PJA2: variants seen among roughly 807,000 people sequenced by gnomAD.
PJA2 encodes E3 ubiquitin-protein ligase Praja-2.
Under a neutral mutation model 69.3 loss-of-function variants are expected in PJA2, and 25 were observed. The observed-to-expected ratio is 0.36, with a 90% CI of 0.26 to 0.50. The LOEUF (loss-of-function observed/expected upper bound fraction) is 0.50, where lower values mean the gene tolerates loss of function less well. PJA2 is among the 20% of genes least tolerant of loss of function. The pLI is 0.96. For synonymous variants in PJA2, 308 were observed against 277.8 expected, an observed-to-expected ratio of 1.11 and a Z score of -1.08; for missense variants, 809 against 830.2, an observed-to-expected ratio of 0.97 and a Z score of 0.31.
rs182869869 is a variant in PJA2, at chr5:109,383,173, G to A, written c.31+230C>T. ...CTACCAAAAGAATAGTCTCCGAAGT[G>A]GAAAGCATAAAGCTTTCCAAGCTAA... is the stretch of plus-strand genomic sequence containing the variant. On this transcript the variant is annotated intron_variant, in intron 2 of 9. Coordinates refer to ENST00000361189, the MANE Select transcript of PJA2 (RefSeq NM_014819.5). Among the ~76,000 whole-genome samples the A allele has an allele frequency of 1.4e-3, 211 of 152,262 alleles. 1 individual carries two copies. Among genetic ancestry groups the A allele is most frequent in the African/African-American group, 4.7e-3 (196 of 41,556 alleles).
intron 1 of PJA2, among the ~76,000 whole-genome samples, chr5:109,390,051 T>C (rs74865248): frequency 0.03 from 4,595 of 152,092 alleles, 91 homozygotes; most frequent in Middle Eastern, 0.048. Flanking sequence ...TTAAAAATAA[T>C]GTAAAGCCTT....
chr5:109,379,993 T>G (rs937207201), intron 3 of PJA2, among the ~76,000 whole-genome samples: 1 of 151,990 alleles, frequency 6.6e-6, no homozygotes, highest in African/African-American at 2.4e-5. Flanking sequence ...CATTTGAGAT[T>G]TGCTGGAATA....
At chr5:109,388,449 C>T (rs3853632) in intron 1 of PJA2, among the ~76,000 whole-genome samples, 4,614 of 152,304 alleles carry the variant, frequency 0.03, 91 homozygotes, top group Middle Eastern at 0.048. Flanking sequence ...TGATAAATGT[C>T]TGAGTTGCTA....
chr5:109,340,647 CCCCTCCCCCTCCCCCTCCCCCT>C (rs1762031149), intron 9 of PJA2, among the ~76,000 whole-genome samples: 7 of 992 alleles, frequency 7.1e-3, no homozygotes, highest in Non-Finnish European at 0.017. Context: ...CCTCCCCCTC[CCCCTCCCCCTCCCCCTCCCCCT>C]CCCTCTCCCC....
intron 7 of PJA2, 86 bp downstream of exon 7, chr5:109,355,829 C>T: frequency 2.2e-6 from 2 of 893,766 alleles, no homozygotes; most frequent in Non-Finnish European, 3.5e-6. Context: ...TTCACCTTTT[C>T]TTAAGAGTAG....
At position 109,378,630 on chromosome 5, in the gene PJA2, G is replaced by C. The variant is rs557988241; in HGVS notation, c.857C>G (p.Ala286Gly). 10 of 1,613,996 alleles carry C rather than the reference G, an allele frequency of 6.2e-6. No individual in the cohort carries two copies. Among genetic ancestry groups the C allele is most frequent in the Non-Finnish European group, 8.5e-6 (10 of 1,180,006 alleles). Residue 286 changes from alanine to glycine, a missense_variant, in exon 4 of 10, where the codon GCA becomes GGA. By Grantham distance (60) the Ala-to-Gly change is moderately conservative. Around this residue, in one of 4 missense-constraint regions of PJA2, gnomAD observed 700 missense variants for 639.5 expected, o/e 1.09. Transcript: ENST00000361189. Reference sequence around the variant, plus strand: ...ACAAATATGCCCTGGACCACAGGCTGCATCTTCAGGTGAATGTTCTGTCTG... The same window carrying C: ...ACAAATATGCCCTGGACCACAGGCTCCATCTTCAGGTGAATGTTCTGTCTG... The part of the protein sequence containing the change: ...ERQTEHSPED[A>G]ACGPGHICSE...
At chr5:109,365,230 G>A (rs1285885655) in intron 5 of PJA2, among the ~76,000 whole-genome samples, 1 of 152,192 alleles carries the variant, frequency 6.6e-6, no homozygotes, top group East Asian at 1.9e-4. Flanking sequence ...GTATACTCAT[G>A]TAGTAGTATA....
chr5:109,338,549 A>C (rs1761985559), intron 9 of PJA2, among the ~76,000 whole-genome samples: 2 of 148,856 alleles, frequency 1.3e-5, no homozygotes, highest in Non-Finnish European at 3.0e-5. Context: ...CTGAGGCAGA[A>C]TTGCTTGAAC....
At chr5:109,363,052 A>G in intron 5 of PJA2, 30 bp from the exon 6 acceptor site, 1 of 1,529,254 alleles carries the variant, frequency 6.5e-7, no homozygotes, top group Non-Finnish European at 8.9e-7. Flanking sequence ...GGAAGAAAAA[A>G]ATATTATTTT....
rs542245820 is a variant in PJA2, at chr5:109,406,379, T to G, written c.-88+3463A>C. On this transcript the variant is annotated intron_variant, in intron 1 of 9. Transcript: ENST00000361189. Reference sequence around the variant, plus strand: ...TGTTTGTTTTTTAATGAGCAAAAAATGTCAACAGATACTTCACAAAGGAAG... The same window carrying G: ...TGTTTGTTTTTTAATGAGCAAAAAAGGTCAACAGATACTTCACAAAGGAAG... Among the ~76,000 whole-genome samples, 9 of 152,230 alleles carry G rather than the reference T, an allele frequency of 5.9e-5. No homozygotes were observed. The South Asian group carries it at 1.2e-3, about 21-fold the overall frequency.
Position 109,337,310 on chromosome 5 carries a change from A to G in PJA2, c.2048T>C (p.Ile683Thr). The change falls in exon 10 of 10, where the codon ATT becomes ACT. Residue 683 changes from isoleucine to threonine, a missense_variant. By Grantham distance (89) the Ile-to-Thr change is moderately conservative (BLOSUM62 -1). This residue lies in a region of PJA2 where 35 missense variants were observed against 37.0 expected (regional missense o/e 0.94). Transcript: ENST00000361189. Reference protein sequence around the residue: ...VCRRHFPPAVIEASAAPSSEP... With the variant: ...VCRRHFPPAVTEASAAPSSEP... ...AGAGGAAGGAGCTGCAGATGCTTCA[A>G]TAACCGCAGGTGGGAAATGACGGCG... 6.2e-7 allele frequency: 1 copy of G among 1,613,630 alleles called. No individual in the cohort carries two copies. The highest frequency in any genetic ancestry group is 8.5e-7 in the Non-Finnish European group (1 of 1,179,798).
chr5:109,393,182 T>G (rs551351197), intron 1 of PJA2, among the ~76,000 whole-genome samples: 1 of 152,294 alleles, frequency 6.6e-6, no homozygotes, highest in South Asian at 2.1e-4. Flanking sequence ...TGTGATAACC[T>G]GCTGAGACGC....
intron 4 of PJA2, among the ~76,000 whole-genome samples, chr5:109,374,908 A>G (rs932523650): frequency 2.0e-5 from 3 of 152,148 alleles, no homozygotes; most frequent in African/African-American, 4.8e-5. Context: ...TTCTCAGGGT[A>G]TATTTCAAAA....
chr5:109,351,128 A>C (rs548230290), intron 7 of PJA2, among the ~76,000 whole-genome samples: 255 of 152,074 alleles, frequency 1.7e-3, no homozygotes, highest in African/African-American at 5.9e-3. Context: ...AAAAAAAAAA[A>C]AAAACGGAAG....
At position 109,340,664 on chromosome 5, in the gene PJA2, C is replaced by CT. The variant is rs1561338818; in HGVS notation, c.2002-3309_2002-3308insA. Among the ~76,000 whole-genome samples the CT allele has an allele frequency of 7.9e-4, 11 of 13,954 alleles. 2 individuals carry two copies. Among genetic ancestry groups the CT allele is most frequent in the African/African-American group, 2.2e-3 (8 of 3,570 alleles). The allele number at this position is 13,954 out of a possible 152,430, so 9.2% of individuals were successfully genotyped here. A position where few individuals can be genotyped will look rare whatever the true frequency, so the allele number is the denominator to read the frequency against. ...TCCCCCTCCCCCTCCCCCTCCCCCTCCCCCTCCCTCTCCCCACGGTCTCCC... is the reference window on the plus strand; with the variant it reads ...TCCCCCTCCCCCTCCCCCTCCCCCTCTCCCCTCCCTCTCCCCACGGTCTCCC... On this transcript the variant is annotated intron_variant, in intron 9 of 9. Coordinates refer to ENST00000361189, the MANE Select transcript of PJA2 (RefSeq NM_014819.5).
At chr5:109,398,932 G>A (rs951437689) in intron 1 of PJA2, among the ~76,000 whole-genome samples, 2 of 152,066 alleles carry the variant, frequency 1.3e-5, no homozygotes, top group African/African-American at 4.8e-5. Flanking sequence ...AAGAAATGGG[G>A]CCGGGTGCAG....
At chr5:109,393,937 G>A (rs1222196152) in intron 1 of PJA2, among the ~76,000 whole-genome samples, 1 of 151,292 alleles carries the variant, frequency 6.6e-6, no homozygotes, top group Non-Finnish European at 1.5e-5. Flanking sequence ...TACATACCAA[G>A]AGAGAATAAT....
chr5:109,386,696 G>C (rs1006985303), intron 1 of PJA2, among the ~76,000 whole-genome samples: 6 of 151,662 alleles, frequency 4.0e-5, no homozygotes, highest in African/African-American at 1.2e-4. Flanking sequence ...GTTTCAACAA[G>C]TATATGTTGG....
chr5:109,371,019 C>T (rs925566190), intron 4 of PJA2, among the ~76,000 whole-genome samples: 2 of 152,194 alleles, frequency 1.3e-5, no homozygotes, highest in South Asian at 2.1e-4. Flanking sequence ...CAAACTACTA[C>T]AGGCTTGGGT....
Sources: allele counts gnomAD v4.1 joint callset (sites outside exome capture counted in the v4.1 genomes callset), GRCh38; gene constraint gnomAD v4.1.1; regional missense constraint gnomAD v4.1.1; transcripts MANE v1.5; gene names NCBI Gene and HGNC (gene_info 2026-07-23, HGNC 2026-07-21).